Variants in STK32B observed in about 807,000 individuals in gnomAD.
STK32B encodes serine/threonine-protein kinase 32B.
A neutral mutation model predicts 52.6 loss-of-function variants in STK32B; 43 were observed. That is an observed-to-expected ratio of 0.82 (90% CI 0.64 to 1.05). STK32B has a LOEUF of 1.05. Among genes scored for constraint, STK32B ranks in the 50% least tolerant of loss-of-function variants. The pLI, the probability that STK32B is intolerant of heterozygous loss-of-function variation, is 0.00. For missense variants in STK32B, 621 were observed against 534.6 expected (o/e 1.16, Z -1.59); for synonymous variants, 238 against 204.3 (o/e 1.17, Z -1.41).
chr4:5,385,503 A>G (rs992918230), intron 4 of STK32B, among the ~76,000 whole-genome samples: 2 of 151,942 alleles, frequency 1.3e-5, no homozygotes, highest in Non-Finnish European at 2.9e-5. Context: ...TGCTCCCACA[A>G]GTGGAGATGG....
At chr4:5,485,776 A>G (rs554924927) in intron 11 of STK32B, among the ~76,000 whole-genome samples, 2 of 152,034 alleles carry the variant, frequency 1.3e-5, no homozygotes, top group African/African-American at 4.8e-5. Context: ...GTGTGGATGT[A>G]CTTTCTGTTT....
intron 6 of STK32B, among the ~76,000 whole-genome samples, chr4:5,423,902 C>T (rs1414034798): frequency 6.6e-6 from 1 of 152,138 alleles, no homozygotes; most frequent in South Asian, 2.1e-4. Context: ...CCGCCGCCCC[C>T]TTGTGAGTTG....
At chr4:5,250,230 A>G (rs1268321975) in intron 3 of STK32B, among the ~76,000 whole-genome samples, 1 of 151,898 alleles carries the variant, frequency 6.6e-6, no homozygotes, top group African/African-American at 2.4e-5. Flanking sequence ...ATGTGCCTTT[A>G]TAATAAAACA....
At chr4:5,372,124 C>G (rs995314834) in intron 4 of STK32B, among the ~76,000 whole-genome samples, 1 of 152,214 alleles carries the variant, frequency 6.6e-6, no homozygotes. Flanking sequence ...AGCTGAGCAA[C>G]CCCTTGGAGG....
intron 6 of STK32B, among the ~76,000 whole-genome samples, chr4:5,438,622 T>C (rs778007010): frequency 2.6e-5 from 4 of 152,212 alleles, no homozygotes; most frequent in Non-Finnish European, 4.4e-5. Flanking sequence ...GTTTTTATAC[T>C]TTAAGTTTTA....
In STK32B at chr4:5,303,344, A is replaced by G. The variant is rs551701695; in HGVS notation, c.261-27876A>G. Among the ~76,000 whole-genome samples, 591 of 152,032 alleles carry G rather than the reference A, an allele frequency of 3.9e-3. 2 individuals are homozygous for G. Among genetic ancestry groups the G allele is most frequent in the Non-Finnish European group, 4.8e-3 (324 of 67,910 alleles). On this transcript the variant is annotated intron_variant, in intron 3 of 11. Coordinates refer to ENST00000282908, the MANE Select transcript of STK32B (RefSeq NM_018401.3). ...TTACACCACATCCATGCCAACATCT[A>G]TTATTTTTTGATTTTTTGATTATGG...
At chr4:5,279,948 A>G (rs377757482) in intron 3 of STK32B, among the ~76,000 whole-genome samples, 2 of 152,022 alleles carry the variant, frequency 1.3e-5, no homozygotes, top group East Asian at 1.9e-4. Context: ...ACAAAACCAC[A>G]TTTTCCTTCT....
At chr4:5,342,177 G>A (rs907084083) in intron 4 of STK32B, among the ~76,000 whole-genome samples, 1 of 152,068 alleles carries the variant, frequency 6.6e-6, no homozygotes, top group African/African-American at 2.4e-5. Context: ...ACACCACTGG[G>A]TCGCCAGTGA....
intron 3 of STK32B, among the ~76,000 whole-genome samples, chr4:5,254,909 C>T (rs918750892): frequency 2.0e-5 from 3 of 151,108 alleles, no homozygotes; most frequent in Non-Finnish European, 4.4e-5. Context: ...TCTCAAGCCT[C>T]AATAAACTTT....
intron 8 of STK32B, among the ~76,000 whole-genome samples, chr4:5,457,201 GTTTTTTTTTTCTT>G (rs1422860224): frequency 7.2e-6 from 1 of 139,212 alleles, no homozygotes; most frequent in Non-Finnish European, 1.5e-5. Flanking sequence ...TGCATGTGGG[GTTTTTTTTTTCTT>G]TTTTTTTTTT....
At chr4:5,485,315 CTT>C (rs1719062010) in intron 11 of STK32B, among the ~76,000 whole-genome samples, 1 of 152,114 alleles carries the variant, frequency 6.6e-6, no homozygotes, top group Non-Finnish European at 1.5e-5. Flanking sequence ...CTGAACTTCT[CTT>C]CTCGATTCTT....
intron 2 of STK32B, among the ~76,000 whole-genome samples, chr4:5,146,046 A>G (rs1194825287): frequency 1.5e-5 from 2 of 137,508 alleles, no homozygotes; most frequent in Non-Finnish European, 3.1e-5. Context: ...AGGTAGGGTC[A>G]AGTTGTTTTT....
At chr4:5,019,773 T>C in the STK32B span, among the ~76,000 whole-genome samples, 1 of 151,084 alleles carries the variant, frequency 6.6e-6, no homozygotes, top group East Asian at 2.0e-4. Flanking sequence ...GGGTGGGGGA[T>C]AAGAGGAGGA....
rs147298416 is a variant in STK32B at position 5,119,408 on chromosome 4, A to G, written c.53-20497A>G. ...TTAGTACCAGGCCAGAACATTTGCC[A>G]TTTCCACATGGAAAAGTGGGAAATA... is the stretch of plus-strand genomic sequence containing the variant. On this transcript the variant is annotated intron_variant, in intron 1 of 11. Transcript: ENST00000282908. Among the ~76,000 whole-genome samples the G allele has an allele frequency of 1.3e-3, 202 of 152,358 alleles. 1 individual carries two copies. Among genetic ancestry groups the G allele is most frequent in the Admixed American group, 0.012 (179 of 15,304 alleles).
the STK32B span, among the ~76,000 whole-genome samples, chr4:5,019,753 A>G: frequency 6.6e-6 from 1 of 152,008 alleles, no homozygotes; most frequent in East Asian, 1.9e-4. Context: ...CAGGAACAGC[A>G]GATGGAGAGG....
chr4:5,209,888 C>A lies in STK32B; in HGVS notation c.260+41438C>A, dbSNP rs138604133. Among the ~76,000 whole-genome samples the A allele has an allele frequency of 8.5e-3, 1,293 of 152,304 alleles. 19 individuals are homozygous for A. The highest frequency in any genetic ancestry group is 0.03 in the African/African-American group (1,233 of 41,566). On this transcript the variant is annotated intron_variant, in intron 3 of 11. Coordinates refer to ENST00000282908, the MANE Select transcript of STK32B (RefSeq NM_018401.3). ...CAGGATATGGCCCCCCAACTGTCTA[C>A]TTCCAAAGCCTAGATTGTTTCCTCT...
chr4:5,156,530 C>G (rs868689114), intron 2 of STK32B, among the ~76,000 whole-genome samples: 1 of 152,156 alleles, frequency 6.6e-6, no homozygotes, highest in East Asian at 1.9e-4. Context: ...CCAGCAGGAG[C>G]GTCCACGGTG....
chr4:5,469,708 C>G lies in STK32B; in HGVS notation c.1106+1638C>G, dbSNP rs1365027535. Among the ~76,000 whole-genome samples the G allele has an allele frequency of 6.6e-6, 1 of 152,220 alleles. No individual in the cohort carries two copies. Among genetic ancestry groups the G allele is most frequent in the Non-Finnish European group, 1.5e-5 (1 of 68,032 alleles). ...AGACACACACACCAGGCTTGGGCAG[C>G]AAGCCTCACCTGCTAGAGGACCACA... On this transcript the variant is annotated intron_variant, in intron 11 of 11. Coordinates refer to ENST00000282908, the MANE Select transcript of STK32B (RefSeq NM_018401.3). This position sits in a 1 kb window ranked among gnomAD's most constrained non-coding sequence, Gnocchi z 4.7.
rs141429083 is a variant in STK32B at position 5,104,835 on chromosome 4, G to A, written c.53-35070G>A. Among the ~76,000 whole-genome samples the A allele has an allele frequency of 5.9e-3, 896 of 152,290 alleles. 9 individuals carry two copies. Among genetic ancestry groups the A allele is most frequent in the Middle Eastern group, 0.014 (4 of 290 alleles). ...CGTGTTTGTAATGTTCATGCATGTT[G>A]CATGTAGCTTTAGTTTGTTTATTTC... On this transcript the variant is annotated intron_variant, in intron 1 of 11. Transcript: ENST00000282908.
Sources: gnomAD v4.1 joint callset for allele counts (sites outside exome capture counted in the v4.1 genomes callset) on GRCh38, gnomAD v4.1.1 for gene constraint, Gnocchi (gnomAD v3.1) non-coding constraint, MANE v1.5 for transcripts, NCBI Gene and HGNC (gene_info 2026-07-23, HGNC 2026-07-21) for gene names.